Variants in OTC observed in about 807,000 individuals in gnomAD.
OTC encodes ornithine transcarbamylase, also known as ornithine transcarbamylase, mitochondrial.
In OTC, 3 loss-of-function variants were observed where a neutral mutation model predicts 30.3. That is an observed-to-expected ratio of 0.10 (90% CI 0.05 to 0.26). OTC has a LOEUF of 0.26. OTC is among the 10% of genes least tolerant of loss of function. The pLI, the probability that OTC is intolerant of heterozygous loss-of-function variation, is 1.00. For synonymous variants in OTC, 111 were observed against 99.7 expected (o/e 1.11, Z -0.67); for missense variants, 194 against 260.3 (o/e 0.75, Z 1.75).
intron 1 of OTC, among the ~76,000 whole-genome samples, chrX:38,366,625 A>G (rs1299742232): frequency 1.8e-5 from 2 of 112,173 alleles, no homozygotes; most frequent in Non-Finnish European, 3.8e-5. Flanking sequence ...CAACAACTCT[A>G]TAAGATTATT....
At chrX:38,375,537 T>C (rs759776254) in intron 3 of OTC, among the ~76,000 whole-genome samples, 1 of 111,040 alleles carries the variant, frequency 9.0e-6, no homozygotes, top group Non-Finnish European at 1.9e-5. Flanking sequence ...TAGGTATGTT[T>C]TGAAGAGAGA....
intron 9 of OTC, among the ~76,000 whole-genome samples, chrX:38,414,720 G>A (rs1429295921): frequency 8.9e-6 from 1 of 112,163 alleles, no homozygotes; most frequent in Non-Finnish European, 1.9e-5. Context: ...ATTCTGTTGA[G>A]AAGGATTTTG....
chrX:38,404,852 G>A (rs1246053045), intron 6 of OTC, among the ~76,000 whole-genome samples: 6 of 111,298 alleles, frequency 5.4e-5, no homozygotes, highest in Non-Finnish European at 7.5e-5. Flanking sequence ...TTGAGAGTCC[G>A]GGCAAACCAA....
At chrX:38,374,806 T>C (rs1569274323) in intron 3 of OTC, among the ~76,000 whole-genome samples, 1 of 112,009 alleles carries the variant, frequency 8.9e-6, no homozygotes, top group East Asian at 2.8e-4. Flanking sequence ...ACTAGGCACT[T>C]AGTAGGTGCA....
intron 1 of OTC, among the ~76,000 whole-genome samples, chrX:38,363,030 C>T (rs1036290747): frequency 1.8e-5 from 2 of 112,130 alleles, no homozygotes; most frequent in African/African-American, 6.5e-5. Flanking sequence ...CAAAATCCCG[C>T]AGAGGCTGAG....
At chrX:38,389,878 T>A (rs912095109) in intron 4 of OTC, among the ~76,000 whole-genome samples, 4 of 111,482 alleles carry the variant, frequency 3.6e-5, no homozygotes, top group East Asian at 5.6e-4. Context: ...GTAAATGAGA[T>A]CGTGCTTGTA....
chrX:38,374,006 T>C (rs1273415347), intron 3 of OTC, among the ~76,000 whole-genome samples: 1 of 109,670 alleles, frequency 9.1e-6, no homozygotes, highest in East Asian at 2.9e-4. Context: ...CTACTAAAAA[T>C]ACAAAAAATT....
At chrX:38,358,267 G>GAA (rs112597760) in intron 1 of OTC, among the ~76,000 whole-genome samples, 11 of 101,455 alleles carry the variant, frequency 1.1e-4, no homozygotes, top group African/African-American at 3.9e-4. Flanking sequence ...CTACAGACCA[G>GAA]AAAAAAAAAA....
Position 38,401,332 on chromosome X carries a change from G to A in OTC, c.444G>A (p.Leu148=). Residue 148 remains leucine (L), a synonymous_variant, in exon 5 of 10, where the codon TTG becomes TTA. Coordinates refer to ENST00000039007, the MANE Select transcript of OTC (RefSeq NM_000531.6). ...CTCGAGTGTATAAACAATCAGATTT[G>A]GACACCCTGGCTAAAGAAGCATCCA... ...VLARVYKQSD[L]DTLAKEASIP... 1.7e-6 allele frequency: 2 copies of A among 1,195,133 alleles called. No homozygotes were observed. Among genetic ancestry groups the A allele is most frequent in the East Asian group, 3.0e-5 (1 of 33,742 alleles).
chrX:38,341,164 G>C, the OTC span, among the ~76,000 whole-genome samples: 1 of 111,758 alleles, frequency 8.9e-6, no homozygotes, highest in Non-Finnish European at 1.9e-5. Flanking sequence ...TCAATGTTAT[G>C]TCTGTGAAAT....
At position 38,403,629 on chromosome X, in the gene OTC, C is replaced by T; in HGVS notation, c.552C>T (p.Ser184=). The part of the protein sequence containing the change: ...ADYLTLQEHY[S]SLKGLTLSWI... ...CCCGTGCCTTTTAGGAACACTATAG[C>T]TCTCTGAAAGGTCTTACCCTCAGCT... Residue 184 remains serine, a synonymous_variant, in exon 6 of 10, where the codon AGC becomes AGT. Transcript: ENST00000039007. 5.0e-6 allele frequency: 6 copies of T among 1,209,451 alleles called. No homozygotes were observed. Among genetic ancestry groups the T allele is most frequent in the Non-Finnish European group, 6.7e-6 (6 of 893,196 alleles).
downstream of OTC, among the ~76,000 whole-genome samples, chrX:38,422,427 A>G (rs1327379018): frequency 8.9e-6 from 1 of 111,951 alleles, no homozygotes; most frequent in Non-Finnish European, 1.9e-5. Context: ...AGAGTAGAAC[A>G]AGGTGTCATA....
Position 38,421,132 on chromosome X carries a change from A to T in OTC, c.*50A>T. 1.0e-5 allele frequency: 9 copies of T among 897,893 alleles called. No homozygotes were observed. The highest frequency in any genetic ancestry group is 1.5e-5 in the Non-Finnish European group (9 of 609,885). 74.0% of individuals were successfully genotyped at this position (897,893 alleles called of 1,213,427 possible). A position where few individuals can be genotyped will look rare whatever the true frequency, so the allele number is the denominator to read the frequency against. ...AGCAATGTTCTTCAGTAACAGAATGAGTTGGTTTATGGGGAAAAGAGAAGA... is the reference window on the plus strand; with the variant it reads ...AGCAATGTTCTTCAGTAACAGAATGTGTTGGTTTATGGGGAAAAGAGAAGA... On this transcript the variant is annotated 3_prime_UTR_variant, in exon 10 of 10. Coordinates refer to ENST00000039007, the MANE Select transcript of OTC (RefSeq NM_000531.6).
rs183600147 is a variant in OTC, at chrX:38,401,213, T to C, written c.387-62T>C. On this transcript the variant is annotated intron_variant, in intron 4 of 9. Coordinates refer to ENST00000039007, the MANE Select transcript of OTC (RefSeq NM_000531.6). ...TTTCTTGTTATTATTTCTGATCTTA[T>C]ATTAAATAAGGCATTATTAAGCATA... is the stretch of plus-strand genomic sequence containing the variant. The C allele has an allele frequency of 6.0e-3, 5,027 of 843,887 alleles. 23 individuals carry two copies. The highest frequency in any genetic ancestry group is 0.018 in the Middle Eastern group (64 of 3,600). The allele number at this position is 843,887 out of a possible 1,213,427, so 69.5% of individuals were successfully genotyped here.
the OTC span, among the ~76,000 whole-genome samples, chrX:38,331,525 C>A: frequency 9.6e-6 from 1 of 103,988 alleles, no homozygotes; most frequent in Admixed American, 1.1e-4. Flanking sequence ...CTCAGGTGAT[C>A]CGCCCACGTC....
chrX:38,361,441 T>C (rs2147320583), intron 1 of OTC, among the ~76,000 whole-genome samples: 1 of 112,296 alleles, frequency 8.9e-6, no homozygotes, highest in Admixed American at 9.4e-5. Context: ...AGGAACTTAG[T>C]GAAGACAAAG....
At chrX:38,413,015 G>A (rs959254271) in intron 9 of OTC, among the ~76,000 whole-genome samples, 1 of 111,915 alleles carries the variant, frequency 8.9e-6, no homozygotes, top group African/African-American at 3.2e-5. Flanking sequence ...ATATGTAGCA[G>A]AAGATCCAAT....
intron 4 of OTC, among the ~76,000 whole-genome samples, chrX:38,396,735 T>G (rs1321261453): frequency 9.0e-6 from 1 of 110,957 alleles, no homozygotes; most frequent in Non-Finnish European, 1.9e-5. Flanking sequence ...ATCATGCCAC[T>G]GCACTCCAGC....
chrX:38,402,994 T>G (rs993489644), intron 5 of OTC, among the ~76,000 whole-genome samples: 2 of 110,655 alleles, frequency 1.8e-5, no homozygotes, highest in African/African-American at 6.6e-5. Context: ...GTGTTTTTAG[T>G]AGACATGGGG....
Sources: allele counts gnomAD v4.1 joint callset (sites outside exome capture counted in the v4.1 genomes callset), GRCh38; gene constraint gnomAD v4.1.1; transcripts MANE v1.5; gene names NCBI Gene and HGNC (gene_info 2026-07-23, HGNC 2026-07-21).